The following COG5 variants were observed in gnomAD, a reference collection of about 807,000 sequenced individuals.
COG5 encodes component of oligomeric golgi complex 5, also known as conserved oligomeric Golgi complex subunit 5.
In COG5, 86 loss-of-function variants were observed where a neutral mutation model predicts 110.4. The ratio of observed to expected loss-of-function variants is 0.78; its 90% CI spans 0.65 to 0.93. The LOEUF is 0.93. COG5 is among the 40% of genes least tolerant of loss of function. The pLI is 0.00. For synonymous variants in COG5, 360 were observed against 334.6 expected (o/e 1.08, Z -0.83); for missense variants, 1,077 against 987.0 (o/e 1.09, Z -1.22).
intron 6 of COG5, among the ~76,000 whole-genome samples, chr7:107,460,710 T>A (rs536936720): frequency 2.0e-5 from 3 of 152,030 alleles, no homozygotes; most frequent in Middle Eastern, 3.4e-3. Flanking sequence ...TTGGTAAACT[T>A]GTAGGCAAAC....
chr7:107,312,474 C>T (rs1254851159), intron 11 of COG5, among the ~76,000 whole-genome samples: 2 of 152,102 alleles, frequency 1.3e-5, no homozygotes, highest in East Asian at 3.9e-4. Context: ...CAGAAGAGGT[C>T]TTGCTCATGT....
chr7:107,474,653 T>C lies in COG5; in HGVS notation c.538+52584A>G, dbSNP rs1020876430. ...TGGGAAAACAAGACACTTTTATGTG[T>C]CAGTACAAATGAATACTACACTGAA... On this transcript the variant is annotated intron_variant, in intron 6 of 21. Coordinates refer to ENST00000297135, the MANE Select transcript of COG5 (RefSeq NM_006348.5). The surrounding 1 kb of genome is among the most constrained non-coding windows in gnomAD (Gnocchi z 5.7). 3.7e-6 allele frequency: 6 copies of C among 1,609,756 alleles called. No individual in the cohort carries two copies. The highest frequency in any genetic ancestry group is 4.2e-6 in the Non-Finnish European group (5 of 1,176,596).
intron 6 of COG5, among the ~76,000 whole-genome samples, chr7:107,526,240 A>T (rs1800729145): frequency 6.6e-6 from 1 of 152,224 alleles, no homozygotes; most frequent in Admixed American, 6.5e-5. Context: ...ACAAAGTACA[A>T]ATGCCACTAC....
chr7:107,301,405 T>C (rs1584645765), intron 11 of COG5, among the ~76,000 whole-genome samples: 1 of 152,032 alleles, frequency 6.6e-6, no homozygotes, highest in South Asian at 2.1e-4. Flanking sequence ...CAAGTCTCCA[T>C]AACAAGAAAA....
chr7:107,291,740 C>A (rs1584630426), intron 12 of COG5, among the ~76,000 whole-genome samples: 1 of 152,168 alleles, frequency 6.6e-6, no homozygotes, highest in South Asian at 2.1e-4. Flanking sequence ...TTTGATAGAA[C>A]CTTTCTGAGG....
intron 17 of COG5, among the ~76,000 whole-genome samples, chr7:107,244,813 G>A (rs1266314401): frequency 1.3e-5 from 2 of 152,114 alleles, no homozygotes; most frequent in Non-Finnish European, 2.9e-5. Context: ...ATGAATTGCT[G>A]ACTAACTAAA....
chr7:107,219,497 T>A (rs185830747), intron 19 of COG5, among the ~76,000 whole-genome samples: 1 of 152,214 alleles, frequency 6.6e-6, no homozygotes, highest in African/African-American at 2.4e-5. Flanking sequence ...AGAGTACTAT[T>A]CAGCCTTCAA....
intron 10 of COG5, among the ~76,000 whole-genome samples, chr7:107,336,701 C>A (rs980554098): frequency 6.6e-6 from 1 of 152,112 alleles, no homozygotes; most frequent in Non-Finnish European, 1.5e-5. Flanking sequence ...TATGAGTTCA[C>A]AACATTCCTC....
At chr7:107,239,245 T>G (rs1466452162) in intron 17 of COG5, among the ~76,000 whole-genome samples, 1 of 152,236 alleles carries the variant, frequency 6.6e-6, no homozygotes, top group Admixed American at 6.5e-5. Flanking sequence ...TGAGTGTTCC[T>G]GGCACCTCTG....
intron 10 of COG5, among the ~76,000 whole-genome samples, chr7:107,339,357 C>A (rs1810993303): frequency 1.3e-5 from 2 of 152,142 alleles, no homozygotes; most frequent in South Asian, 4.1e-4. Context: ...AACATTGGGG[C>A]ACATGGATTC....
chr7:107,463,981 C>T (rs546479939), intron 6 of COG5, among the ~76,000 whole-genome samples: 5 of 152,080 alleles, frequency 3.3e-5, no homozygotes, highest in African/African-American at 9.6e-5. Flanking sequence ...CGTAGGATGG[C>T]GAATTGAGCA....
At position 107,324,425 on chromosome 7, in the gene COG5, A is replaced by T; in HGVS notation, c.1108+15T>A. On this transcript the variant is annotated intron_variant, in intron 11 of 21. Transcript: ENST00000297135. ...AAACTTTGAAATTAATTTTCAAAAT[A>T]AGTAGTAAACTTACAGTTTGTTGCC... The T allele has an allele frequency of 1.4e-6, 2 of 1,455,686 alleles. No homozygotes were observed. The highest frequency in any genetic ancestry group is 9.6e-7 in the Non-Finnish European group (1 of 1,043,510). 90.2% of individuals were successfully genotyped at this position (1,455,686 alleles called of 1,614,324 possible).
chr7:107,385,805 CTTTTTTT>C (rs57758483), intron 7 of COG5, among the ~76,000 whole-genome samples: 9 of 122,332 alleles, frequency 7.4e-5, no homozygotes, highest in African/African-American at 2.1e-4. Flanking sequence ...TTGTTATTTT[CTTTTTTT>C]TTTTTTTTTT....
intron 6 of COG5, among the ~76,000 whole-genome samples, chr7:107,481,914 G>C (rs937453860): frequency 1.3e-5 from 2 of 152,096 alleles, no homozygotes; most frequent in African/African-American, 4.8e-5. Context: ...TCCCAAAAAA[G>C]TACCTGATAC....
intron 10 of COG5, among the ~76,000 whole-genome samples, chr7:107,332,640 C>G (rs1488987386): frequency 6.6e-6 from 1 of 152,092 alleles, no homozygotes; most frequent in Non-Finnish European, 1.5e-5. Flanking sequence ...GATTTGGCAT[C>G]TGGGTCACTA....
chr7:107,391,335 G>A (rs1790610927), intron 7 of COG5, among the ~76,000 whole-genome samples: 2 of 152,106 alleles, frequency 1.3e-5, no homozygotes, highest in African/African-American at 2.4e-5. Context: ...GTCTGCGGGA[G>A]GGACCCCTGC....
intron 6 of COG5, among the ~76,000 whole-genome samples, chr7:107,509,148 A>T (rs887881334): frequency 6.6e-6 from 1 of 152,066 alleles, no homozygotes; most frequent in Non-Finnish European, 1.5e-5. Context: ...AAAAACCTTG[A>T]AAAAAAAGTA....
chr7:107,558,528 C>T (rs976840057), intron 1 of COG5, among the ~76,000 whole-genome samples: 3 of 151,892 alleles, frequency 2.0e-5, no homozygotes, highest in South Asian at 4.2e-4. Flanking sequence ...AGCTTGAACC[C>T]GGGAGGCACA....
chr7:107,514,367 C>T (rs1799770028), intron 6 of COG5, among the ~76,000 whole-genome samples: 1 of 136,874 alleles, frequency 7.3e-6, no homozygotes, highest in Non-Finnish European at 1.6e-5. Flanking sequence ...CACACACACA[C>T]ACATATTTTA....
Sources: gnomAD v4.1 joint callset for allele counts (sites outside exome capture counted in the v4.1 genomes callset) on GRCh38, gnomAD v4.1.1 for gene constraint, Gnocchi (gnomAD v3.1) non-coding constraint, MANE v1.5 for transcripts, NCBI Gene and HGNC (gene_info 2026-07-23, HGNC 2026-07-21) for gene names.